Variants in DENND1A observed in about 807,000 individuals in gnomAD.
DENND1A encodes the protein DENN domain containing 1A, also known as DENN domain-containing protein 1A.
DENND1A carries 51 observed loss-of-function variants against 113.7 expected under a neutral mutation model. The ratio of observed to expected loss-of-function variants is 0.45; its 90% CI spans 0.36 to 0.57. The LOEUF (loss-of-function observed/expected upper bound fraction) is 0.57. Among genes scored for constraint, DENND1A ranks in the 20% least tolerant of loss-of-function variants. The pLI is 0.00. For missense variants in DENND1A, 1,258 were observed against 1,395.9 expected, an observed-to-expected ratio of 0.90 and a Z score of 1.57; for synonymous variants, 565 against 570.8, an observed-to-expected ratio of 0.99 and a Z score of 0.14.
Position 123,411,797 on chromosome 9 carries a change from G to C in DENND1A, c.1521C>G (p.Pro507=). ...TCACGGGCCTCGAGCGCTGTATCTT[G>C]GGAGGCGGTCGGGTGGGACGCAGTC... ...LQRLRPTRPP[P]KIQRSRPVRP... is the part of the protein sequence containing the mutation. Residue 507 remains proline, a synonymous_variant, in exon 20 of 24, where the codon CCC becomes CCG. Transcript: ENST00000394215. 1 of 985,996 alleles carries C rather than the reference G, an allele frequency of 1.0e-6. No homozygotes were observed. Among genetic ancestry groups the C allele is most frequent in the East Asian group, 1.1e-4 (1 of 8,816 alleles). The allele number at this position is 985,996 out of a possible 1,614,324, so 61.1% of individuals were successfully genotyped here.
At chr9:123,647,207 A>G (rs2062385492) in intron 9 of DENND1A, among the ~76,000 whole-genome samples, 1 of 143,742 alleles carries the variant, frequency 7.0e-6, no homozygotes, top group South Asian at 2.2e-4. Context: ...TCATATAAAC[A>G]ACTTTCAAAG....
intron 5 of DENND1A, among the ~76,000 whole-genome samples, chr9:123,754,528 C>T (rs1234026824): frequency 6.6e-6 from 1 of 152,160 alleles, no homozygotes; most frequent in Non-Finnish European, 1.5e-5. Context: ...AGAAAAGCAA[C>T]AGCAAGACGA....
chr9:123,730,640 G>C (rs1326980479), intron 5 of DENND1A, among the ~76,000 whole-genome samples: 1 of 152,132 alleles, frequency 6.6e-6, no homozygotes, highest in Non-Finnish European at 1.5e-5. Context: ...AAGTAGGAAC[G>C]CTTTTACTCT....
At chr9:123,473,514 G>T (rs550280917) in intron 13 of DENND1A, among the ~76,000 whole-genome samples, 1 of 152,332 alleles carries the variant, frequency 6.6e-6, no homozygotes, top group East Asian at 1.9e-4. Context: ...ACAGAGAGCA[G>T]ATGGGCAGCT....
At chr9:123,453,091 T>C (rs1258130301) in intron 16 of DENND1A, among the ~76,000 whole-genome samples, 1 of 152,194 alleles carries the variant, frequency 6.6e-6, no homozygotes, top group African/African-American at 2.4e-5. Flanking sequence ...TTTTCATAGC[T>C]GTCCGTGAAT....
intron 1 of DENND1A, among the ~76,000 whole-genome samples, chr9:123,893,923 A>G (rs1850315427): frequency 2.0e-5 from 3 of 152,190 alleles, no homozygotes; most frequent in Admixed American, 6.5e-5. Context: ...TGCTGAATGA[A>G]TGGAAAGTGA....
At chr9:123,680,192 G>A (rs1564936348) in intron 5 of DENND1A, among the ~76,000 whole-genome samples, 1 of 152,210 alleles carries the variant, frequency 6.6e-6, no homozygotes, top group Admixed American at 6.5e-5. Flanking sequence ...GGAACAGCCT[G>A]CTCCCCAGGC....
intron 21 of DENND1A, among the ~76,000 whole-genome samples, chr9:123,391,761 G>GAAAAAAAA (rs5900572): frequency 7.2e-5 from 8 of 110,358 alleles, no homozygotes; most frequent in Non-Finnish European, 8.9e-5. Context: ...GGCAGAATAT[G>GAAAAAAAA]AAAAAAAAAA....
At chr9:123,446,309 AT>A (rs1330522653) in intron 18 of DENND1A, among the ~76,000 whole-genome samples, 1 of 152,206 alleles carries the variant, frequency 6.6e-6, no homozygotes, top group Non-Finnish European at 1.5e-5. Context: ...CAAAGTTGGA[AT>A]TTCTGTGATT....
intron 3 of DENND1A, 108 bp downstream of exon 3, chr9:123,792,478 TC>T (rs1331529704): frequency 6.1e-6 from 7 of 1,156,270 alleles, no homozygotes; most frequent in Non-Finnish European, 8.5e-6. Flanking sequence ...CTGCTTTTCT[TC>T]CCTTCTAAAA....
At chr9:123,686,996 G>A (rs773402050) in intron 5 of DENND1A, among the ~76,000 whole-genome samples, 9 of 151,914 alleles carry the variant, frequency 5.9e-5, no homozygotes, top group Admixed American at 2.0e-4. Context: ...ACCCATTTAC[G>A]CTCTATGCTT....
intron 5 of DENND1A, among the ~76,000 whole-genome samples, chr9:123,677,121 C>T (rs939460427): frequency 1.3e-5 from 2 of 152,164 alleles, no homozygotes; most frequent in African/African-American, 4.8e-5. Flanking sequence ...CCCACCCTTT[C>T]CAGGAAAGCT....
At chr9:123,400,931 C>G (rs942113026) in intron 21 of DENND1A, 2 of 152,168 alleles carry the variant, frequency 1.3e-5, no homozygotes, top group Non-Finnish European at 1.5e-5. Flanking sequence ...CTTCAAAGAT[C>G]CTGCATCCCC....
chr9:123,768,220 G>A (rs930386019), intron 4 of DENND1A, among the ~76,000 whole-genome samples: 3 of 152,096 alleles, frequency 2.0e-5, no homozygotes, highest in African/African-American at 4.8e-5. Flanking sequence ...ATACTATAAT[G>A]GTTGATTGGC....
intron 1 of DENND1A, among the ~76,000 whole-genome samples, chr9:123,915,937 A>T (rs1855023457): frequency 6.6e-6 from 1 of 152,186 alleles, no homozygotes; most frequent in Admixed American, 6.5e-5. Flanking sequence ...CTCGTGTGGG[A>T]ATATGAATTG....
intron 12 of DENND1A, 140 bp downstream of exon 12, chr9:123,583,029 T>C: frequency 1.7e-6 from 1 of 605,488 alleles, no homozygotes. Context: ...GAGACAAAGG[T>C]TTCAATGCAG....
Position 123,630,465 on chromosome 9 carries a change from G to A in DENND1A, c.630C>T (p.Cys210=). ...AGAGCATCGCCGCAGACCCGTGGATGCAGGCAGTCAGCTGGAACAGAGCAA... is the reference window on the plus strand; with the variant it reads ...AGAGCATCGCCGCAGACCCGTGGATACAGGCAGTCAGCTGGAACAGAGCAA... ...ICSKLSTLTA[C]IHGSAAMLYP... is the part of the protein sequence containing the mutation. The change falls in exon 10 of 24, where the codon TGC becomes TGT. Residue 210 remains cysteine, a synonymous_variant. Coordinates refer to ENST00000394215, the MANE Select transcript of DENND1A (RefSeq NM_001352964.2). The A allele has an allele frequency of 6.3e-7, 1 of 1,587,152 alleles. No individual in the cohort carries two copies. Among genetic ancestry groups the A allele is most frequent in the South Asian group, 1.1e-5 (1 of 87,408 alleles).
chr9:123,918,489 G>GAAA (rs138650406), intron 1 of DENND1A, among the ~76,000 whole-genome samples: 1 of 138,246 alleles, frequency 7.2e-6, no homozygotes, highest in Non-Finnish European at 1.6e-5. Context: ...CTCCGTCTCA[G>GAAA]AAAAAAAAAA....
chr9:123,389,864 G>A lies in DENND1A; in HGVS notation c.1632-2006C>T, dbSNP rs376173403. On this transcript the variant is annotated intron_variant, in intron 21 of 23. Transcript: ENST00000394215. ...CTGCTGCACTCTGGGGAGCTCGTGG[G>A]ATGCACTGCTGAGCGGCCGTGCCGA... Among the ~76,000 whole-genome samples the A allele has an allele frequency of 1.9e-3, 297 of 152,350 alleles. 1 individual carries two copies. Among genetic ancestry groups the A allele is most frequent in the African/African-American group, 5.9e-3 (247 of 41,588 alleles).
Sources: gnomAD v4.1 joint callset for allele counts (sites outside exome capture counted in the v4.1 genomes callset) on GRCh38, gnomAD v4.1.1 for gene constraint, MANE v1.5 for transcripts, NCBI Gene and HGNC (gene_info 2026-07-23, HGNC 2026-07-21) for gene names.